Variants in XKR6 observed in about 807,000 individuals in gnomAD.
XKR6 encodes the protein XK-related protein 6.
XKR6 carries 22 observed loss-of-function variants against 56.7 expected under a neutral mutation model. That is an observed-to-expected ratio of 0.39 (90% CI 0.28 to 0.55). XKR6 has a LOEUF of 0.55. Among genes scored for constraint, XKR6 ranks in the 20% least tolerant of loss-of-function variants. XKR6 has a pLI of 0.66. For missense variants in XKR6, 852 were observed against 889.0 expected (o/e 0.96, Z 0.53); for synonymous variants, 524 against 387.8 (o/e 1.35, Z -4.13).
intron 1 of XKR6, among the ~76,000 whole-genome samples, chr8:11,155,743 C>T (rs192645472): frequency 1.3e-5 from 2 of 152,312 alleles, no homozygotes; most frequent in East Asian, 1.9e-4. Flanking sequence ...AAACCTCCCA[C>T]CCGTCTATTT....
intron 1 of XKR6, among the ~76,000 whole-genome samples, chr8:10,962,398 A>T (rs1802090678): frequency 6.6e-6 from 1 of 152,186 alleles, no homozygotes; most frequent in African/African-American, 2.4e-5. Flanking sequence ...GAACCCCAAG[A>T]GGGAGGTCCC....
intron 1 of XKR6, among the ~76,000 whole-genome samples, chr8:11,071,640 C>T (rs987342738): frequency 1.3e-5 from 2 of 148,216 alleles, no homozygotes; most frequent in African/African-American, 5.0e-5. Context: ...CCATGAGCCC[C>T]GAGTCCATGA....
chr8:10,911,243 G>T (rs138899232), intron 2 of XKR6, among the ~76,000 whole-genome samples: 19,718 of 144,432 alleles, frequency 0.14, 1,763 homozygotes, highest in Non-Finnish European at 0.21. Flanking sequence ...TGTGTATAGA[G>T]AGAGAGAGAG....
chr8:11,063,883 C>T (rs974621340), intron 1 of XKR6, among the ~76,000 whole-genome samples: 1 of 152,182 alleles, frequency 6.6e-6, no homozygotes, highest in Non-Finnish European at 1.5e-5. Context: ...AACTGATGGC[C>T]CCAGAATGCA....
At chr8:11,122,185 A>T (rs929043726) in intron 1 of XKR6, among the ~76,000 whole-genome samples, 4 of 152,226 alleles carry the variant, frequency 2.6e-5, no homozygotes, top group African/African-American at 9.6e-5. Flanking sequence ...CTCCTTTGAA[A>T]ATACGGTCTT....
intron 1 of XKR6, chr8:11,128,943 C>T: frequency 4.4e-6 from 2 of 456,740 alleles, no homozygotes; most frequent in South Asian, 3.1e-5. Flanking sequence ...TTTAATAAAG[C>T]AGCCAGAAAG....
chr8:11,096,967 T>C (rs1798281034), intron 1 of XKR6, among the ~76,000 whole-genome samples: 1 of 152,212 alleles, frequency 6.6e-6, no homozygotes, highest in African/African-American at 2.4e-5. Flanking sequence ...GATTTGCACA[T>C]CCTTTGTACC....
At chr8:11,087,921 A>C (rs1797943243) in intron 1 of XKR6, among the ~76,000 whole-genome samples, 3 of 152,244 alleles carry the variant, frequency 2.0e-5, no homozygotes, top group Non-Finnish European at 4.4e-5. Flanking sequence ...CATCCACCCA[A>C]AGTTTCCAAA....
chr8:10,986,998 C>G (rs568424175), intron 1 of XKR6, among the ~76,000 whole-genome samples: 82 of 152,002 alleles, frequency 5.4e-4, no homozygotes, highest in Non-Finnish European at 1.1e-3. Context: ...CTACGTTGCA[C>G]AGGCTGGTCT....
At chr8:10,911,859 C>A (rs369526541) in intron 2 of XKR6, among the ~76,000 whole-genome samples, 1 of 145,012 alleles carries the variant, frequency 6.9e-6, no homozygotes, top group East Asian at 2.1e-4. Context: ...TGTGTGTATA[C>A]GTGTTTGTAT....
At chr8:11,088,927 C>T (rs956513731) in intron 1 of XKR6, among the ~76,000 whole-genome samples, 1 of 152,184 alleles carries the variant, frequency 6.6e-6, no homozygotes, top group Non-Finnish European at 1.5e-5. Flanking sequence ...TCAGGGTAGG[C>T]TGTATGTGCC....
chr8:11,087,634 T>C (rs912091018), intron 1 of XKR6, among the ~76,000 whole-genome samples: 6 of 152,186 alleles, frequency 3.9e-5, no homozygotes, highest in Admixed American at 1.3e-4. Flanking sequence ...GGAACCAGCC[T>C]AACATTCTGA....
intron 1 of XKR6, among the ~76,000 whole-genome samples, chr8:11,191,715 A>C (rs557411108): frequency 6.6e-6 from 1 of 152,194 alleles, no homozygotes; most frequent in Non-Finnish European, 1.5e-5. Flanking sequence ...AAAAAAAAAA[A>C]AACAGAGAGG....
At chr8:11,191,625 A>G (rs1365106810) in intron 1 of XKR6, among the ~76,000 whole-genome samples, 1 of 151,940 alleles carries the variant, frequency 6.6e-6, no homozygotes, top group Non-Finnish European at 1.5e-5. Flanking sequence ...GACACCTGCA[A>G]GAGACACTCA....
In XKR6 at chr8:10,898,936, C is replaced by A; in HGVS notation, c.962-20G>T. ...AGACACCTGCCGGAAAGACACAAAC[C>A]CACACAGTCAAAACCTTGGACATCA... On this transcript the variant is annotated intron_variant, in intron 2 of 2. Coordinates refer to ENST00000416569, the MANE Select transcript of XKR6 (RefSeq NM_173683.4). This position sits in a 1 kb window ranked among gnomAD's most constrained non-coding sequence, Gnocchi z 6.6. 6.3e-7 allele frequency: 1 copy of A among 1,578,714 alleles called. No homozygotes were observed. Among genetic ancestry groups the A allele is most frequent in the South Asian group, 1.2e-5 (1 of 84,736 alleles).
chr8:11,043,379 C>T (rs1257791937), intron 1 of XKR6, among the ~76,000 whole-genome samples: 1 of 152,114 alleles, frequency 6.6e-6, no homozygotes, highest in East Asian at 1.9e-4. Flanking sequence ...TCGTCCATCT[C>T]CTCCTGGGCC....
intron 1 of XKR6, among the ~76,000 whole-genome samples, chr8:10,945,188 A>G (rs757902699): frequency 6.6e-6 from 1 of 152,212 alleles, no homozygotes; most frequent in Non-Finnish European, 1.5e-5. Context: ...ACTTGATTAA[A>G]AAGGCCAAAA....
chr8:11,022,833 T>C (rs902562565), intron 1 of XKR6, among the ~76,000 whole-genome samples: 1 of 152,226 alleles, frequency 6.6e-6, no homozygotes, highest in Non-Finnish European at 1.5e-5. Context: ...TTTTTATTTG[T>C]TATAAATATT....
chr8:10,958,987 C>T (rs1801978090), intron 1 of XKR6, among the ~76,000 whole-genome samples: 1 of 152,210 alleles, frequency 6.6e-6, no homozygotes, highest in Non-Finnish European at 1.5e-5. Flanking sequence ...AGCCTGAGAA[C>T]ATGGCTTAAT....
Sources: gnomAD v4.1 joint callset for allele counts (sites outside exome capture counted in the v4.1 genomes callset) on GRCh38, gnomAD v4.1.1 for gene constraint, Gnocchi (gnomAD v3.1) non-coding constraint, MANE v1.5 for transcripts, NCBI Gene and HGNC (gene_info 2026-07-23, HGNC 2026-07-21) for gene names.